The following SH3PXD2A variants were observed in gnomAD, a reference collection of about 807,000 sequenced individuals.
The protein encoded by SH3PXD2A is SH3 and PX domains 2A, also known as SH3 and PX domain-containing protein 2A.
A neutral mutation model predicts 115.2 loss-of-function variants in SH3PXD2A; 32 were observed. The observed-to-expected ratio is 0.28, with a 90% confidence interval of 0.21 to 0.37. The LOEUF (loss-of-function observed/expected upper bound fraction) is 0.37, where lower values mean the gene tolerates loss of function less well. Among genes scored for constraint, SH3PXD2A ranks in the 10% least tolerant of loss-of-function variants. SH3PXD2A has a pLI of 1.00. For synonymous variants in SH3PXD2A, 610 were observed against 629.1 expected (o/e 0.97, Z 0.45); for missense variants, 1,328 against 1,498.7 (o/e 0.89, Z 1.88).
intron 6 of SH3PXD2A, among the ~76,000 whole-genome samples, chr10:103,672,006 T>C (rs6584566): frequency 0.88 from 133,703 of 152,252 alleles, 58,815 homozygotes; most frequent in East Asian, 1. Context: ...CTCTGGGCTT[T>C]GGCTGGGCGG....
At chr10:103,820,118 A>G (rs1312409296) in intron 1 of SH3PXD2A, among the ~76,000 whole-genome samples, 1 of 152,176 alleles carries the variant, frequency 6.6e-6, no homozygotes, top group Non-Finnish European at 1.5e-5. Flanking sequence ...CCAGAAGTCA[A>G]TGACTTTGTT....
chr10:103,795,298 C>T (rs151162395), intron 2 of SH3PXD2A, among the ~76,000 whole-genome samples: 1,947 of 152,118 alleles, frequency 0.013, 52 homozygotes, highest in African/African-American at 0.045. Context: ...AGCTTTAAAG[C>T]CTCCGTACCT....
chr10:103,759,287 G>C (rs1415811920), intron 3 of SH3PXD2A, among the ~76,000 whole-genome samples: 6 of 152,212 alleles, frequency 3.9e-5, no homozygotes, highest in Non-Finnish European at 8.8e-5. Flanking sequence ...AAGCATGCCT[G>C]CTGACTAAAA....
chr10:103,819,039 C>G (rs906460305), intron 1 of SH3PXD2A, among the ~76,000 whole-genome samples: 1 of 152,228 alleles, frequency 6.6e-6, no homozygotes, highest in Non-Finnish European at 1.5e-5. Flanking sequence ...TCTACAACGT[C>G]TAATGACTTG....
At chr10:103,607,782 A>C (rs1220968914) in intron 13 of SH3PXD2A, among the ~76,000 whole-genome samples, 1 of 152,138 alleles carries the variant, frequency 6.6e-6, no homozygotes, top group Non-Finnish European at 1.5e-5. Context: ...TAGACATGGG[A>C]GACTTTTCAT....
intron 1 of SH3PXD2A, among the ~76,000 whole-genome samples, chr10:103,837,258 C>G (rs2039554007): frequency 6.6e-6 from 1 of 152,182 alleles, no homozygotes; most frequent in African/African-American, 2.4e-5. Flanking sequence ...ACCCATAAAC[C>G]TCCAGACAGG....
Position 103,613,077 on chromosome 10 carries a change from A to G in SH3PXD2A, c.1034T>C (p.Met345Thr), listed in dbSNP as rs754545170. The G allele has an allele frequency of 6.2e-7, 1 of 1,614,142 alleles. No individual in the cohort carries two copies. Among genetic ancestry groups the G allele is most frequent in the East Asian group, 2.2e-5 (1 of 44,870 alleles). ...AGPVEIIGNI[M>T]EISNLLNKKA... ...CTTGTTCAGCAGGTTGCTGATCTCC[A>G]TGATGTTCCCAATGATCTCCACTGG... The change falls in exon 12 of 15, where the codon ATG (methionine) becomes ACG (threonine). Residue 345 changes from methionine (M) to threonine (T), a missense_variant. Around this residue, in one of 5 missense-constraint regions of SH3PXD2A, gnomAD observed 509 missense variants for 628.3 expected, o/e 0.81. Coordinates refer to ENST00000369774, the MANE Select transcript of SH3PXD2A (RefSeq NM_001394015.1).
intron 2 of SH3PXD2A, among the ~76,000 whole-genome samples, chr10:103,777,267 C>T (rs2038889134): frequency 6.6e-6 from 1 of 152,260 alleles, no homozygotes; most frequent in African/African-American, 2.4e-5. Flanking sequence ...TGTTATGACA[C>T]CAGGCTGCGT....
intron 2 of SH3PXD2A, among the ~76,000 whole-genome samples, chr10:103,790,002 G>A (rs1402504957): frequency 2.0e-5 from 3 of 152,166 alleles, no homozygotes; most frequent in Non-Finnish European, 4.4e-5. Context: ...AGCCACCAGC[G>A]ACCTTTCTGG....
At chr10:103,727,762 C>T (rs911623129) in intron 4 of SH3PXD2A, among the ~76,000 whole-genome samples, 2 of 152,206 alleles carry the variant, frequency 1.3e-5, no homozygotes, top group East Asian at 1.9e-4. Context: ...GTGGAACAAC[C>T]GCAGCATCTT....
intron 3 of SH3PXD2A, among the ~76,000 whole-genome samples, chr10:103,760,109 T>C (rs1248633887): frequency 1.3e-5 from 2 of 152,178 alleles, no homozygotes; most frequent in Admixed American, 1.3e-4. Context: ...CTAAGGATAG[T>C]GTCCATCTTG....
chr10:103,750,595 C>T (rs2038565100), intron 3 of SH3PXD2A, among the ~76,000 whole-genome samples: 1 of 152,138 alleles, frequency 6.6e-6, no homozygotes, highest in Non-Finnish European at 1.5e-5. Flanking sequence ...TCTCATGTAC[C>T]TCTGAGGCTG....
intron 6 of SH3PXD2A, among the ~76,000 whole-genome samples, chr10:103,680,246 T>G (rs1302116268): frequency 6.6e-6 from 1 of 152,052 alleles, no homozygotes; most frequent in African/African-American, 2.4e-5. Flanking sequence ...CCCAAAGTGC[T>G]GGGATTACAG....
intron 2 of SH3PXD2A, among the ~76,000 whole-genome samples, chr10:103,775,810 A>G (rs1352781295): frequency 1.3e-5 from 2 of 152,180 alleles, no homozygotes; most frequent in Non-Finnish European, 2.9e-5. Context: ...CTAAAGCATC[A>G]CCAGCAGTGT....
intron 3 of SH3PXD2A, among the ~76,000 whole-genome samples, chr10:103,736,286 G>A (rs1186933164): frequency 3.3e-5 from 5 of 152,224 alleles, no homozygotes; most frequent in African/African-American, 9.6e-5. Context: ...GCGGGCACAA[G>A]GCAATACCAA....
At chr10:103,697,615 G>A (rs2037840362) in intron 5 of SH3PXD2A, among the ~76,000 whole-genome samples, 1 of 152,126 alleles carries the variant, frequency 6.6e-6, no homozygotes, top group South Asian at 2.1e-4. Flanking sequence ...CCTCTATTAG[G>A]ACACATTTAA....
At chr10:103,640,606 A>G (rs941344551) in intron 8 of SH3PXD2A, among the ~76,000 whole-genome samples, 4 of 152,186 alleles carry the variant, frequency 2.6e-5, no homozygotes, top group African/African-American at 9.7e-5. Flanking sequence ...AGACATGGAG[A>G]TGGGAGCAAC....
intron 3 of SH3PXD2A, among the ~76,000 whole-genome samples, chr10:103,757,487 G>A (rs1404551560): frequency 2.0e-5 from 3 of 152,156 alleles, no homozygotes; most frequent in African/African-American, 7.2e-5. Flanking sequence ...GAGGGTTGGG[G>A]GTAGGTGTTC....
chr10:103,765,052 AT>A (rs1191349122), intron 3 of SH3PXD2A, among the ~76,000 whole-genome samples: 3 of 152,150 alleles, frequency 2.0e-5, no homozygotes, highest in Non-Finnish European at 4.4e-5. Flanking sequence ...CATTTATTTT[AT>A]GCTTGAAACA....
Sources: gnomAD v4.1 joint callset for allele counts (sites outside exome capture counted in the v4.1 genomes callset) on GRCh38, gnomAD v4.1.1 for gene constraint, gnomAD v4.1.1 regional missense constraint, MANE v1.5 for transcripts, NCBI Gene and HGNC (gene_info 2026-07-23, HGNC 2026-07-21) for gene names.